The following LYPLAL1 variants were observed in gnomAD, a reference collection of about 807,000 sequenced individuals.
LYPLAL1 encodes the protein lysophospholipase like 1.
A neutral mutation model predicts 19.7 loss-of-function variants in LYPLAL1; 23 were observed. The ratio of observed to expected loss-of-function variants is 1.17; its 90% CI spans 0.84 to 1.65. LYPLAL1 has a LOEUF of 1.65. Ranked by LOEUF, LYPLAL1 falls within the 40% of genes most tolerant of loss-of-function variation. LYPLAL1 has a pLI of 0.00. For synonymous variants in LYPLAL1, 119 were observed against 96.3 expected, an observed-to-expected ratio of 1.24 and a Z score of -1.38; for missense variants, 355 against 279.4, an observed-to-expected ratio of 1.27 and a Z score of -1.93.
At chr1:219,337,980 C>T in the LYPLAL1 span, among the ~76,000 whole-genome samples, 1 of 151,960 alleles carries the variant, frequency 6.6e-6, no homozygotes, top group African/African-American at 2.4e-5. Flanking sequence ...TTGCTGTGGG[C>T]ATTTGTAGTT....
the LYPLAL1 span, among the ~76,000 whole-genome samples, chr1:219,395,869 C>T: frequency 6.6e-5 from 10 of 151,862 alleles, no homozygotes; most frequent in African/African-American, 1.9e-4. Flanking sequence ...TTTGGGAGGC[C>T]GAGGCAGGCG....
At chr1:219,419,432 A>T in the LYPLAL1 span, among the ~76,000 whole-genome samples, 4 of 152,018 alleles carry the variant, frequency 2.6e-5, no homozygotes, top group Admixed American at 1.3e-4. Context: ...TCTGGCCTTG[A>T]TACCTCCTCT....
chr1:219,306,877 T>A, the LYPLAL1 span, among the ~76,000 whole-genome samples: 2 of 106,900 alleles, frequency 1.9e-5, no homozygotes, highest in Non-Finnish European at 4.5e-5. Context: ...GACAGATAGA[T>A]AGAGATAGAA....
At chr1:219,287,513 A>G in the LYPLAL1 span, among the ~76,000 whole-genome samples, 1 of 152,206 alleles carries the variant, frequency 6.6e-6, no homozygotes, top group Non-Finnish European at 1.5e-5. Context: ...CTACACACCT[A>G]TTAGACACTT....
At chr1:219,375,515 A>AG in the LYPLAL1 span, among the ~76,000 whole-genome samples, 1 of 147,932 alleles carries the variant, frequency 6.8e-6, no homozygotes, top group African/African-American at 2.5e-5. Flanking sequence ...AAAAAAAAAA[A>AG]GGAACAAATA....
chr1:219,369,014 T>C, the LYPLAL1 span, among the ~76,000 whole-genome samples: 1 of 152,254 alleles, frequency 6.6e-6, no homozygotes, highest in Non-Finnish European at 1.5e-5. Flanking sequence ...CTCATTTAAC[T>C]TTGAACAGGG....
At chr1:219,287,291 T>C in the LYPLAL1 span, among the ~76,000 whole-genome samples, 2 of 152,208 alleles carry the variant, frequency 1.3e-5, no homozygotes, top group African/African-American at 4.8e-5. Context: ...AGATAACCTG[T>C]CTACAGAAAA....
At chr1:219,185,841 AAAGT>A (rs1558224821) in intron 2 of LYPLAL1, among the ~76,000 whole-genome samples, 1 of 151,948 alleles carries the variant, frequency 6.6e-6, no homozygotes, top group Non-Finnish European at 1.5e-5. Context: ...TCCAAGAGCA[AAAGT>A]GTCTAAAGAG....
intron 3 of LYPLAL1, among the ~76,000 whole-genome samples, chr1:219,201,630 G>A (rs1182453330): frequency 2.6e-5 from 4 of 152,002 alleles, no homozygotes; most frequent in Non-Finnish European, 5.9e-5. Context: ...TGTGAGATGA[G>A]CTAATTAATG....
At chr1:219,241,128 C>CTATATATATATA in the LYPLAL1 span, among the ~76,000 whole-genome samples, 3 of 81,260 alleles carry the variant, frequency 3.7e-5, no homozygotes, top group South Asian at 4.0e-4. Context: ...CTCTCTCTCT[C>CTATATATATATA]TCTCTCTATA....
chr1:219,239,126 A>G, the LYPLAL1 span, among the ~76,000 whole-genome samples: 1 of 152,180 alleles, frequency 6.6e-6, no homozygotes. Flanking sequence ...AGACTATCAG[A>G]TGATAATAGC....
the LYPLAL1 span, among the ~76,000 whole-genome samples, chr1:219,283,226 A>G: frequency 7.2e-5 from 11 of 152,174 alleles, no homozygotes; most frequent in Non-Finnish European, 1.3e-4. Flanking sequence ...GCACGTGACA[A>G]CAGGGCATGT....
At chr1:219,364,268 A>G in the LYPLAL1 span, among the ~76,000 whole-genome samples, 1 of 152,128 alleles carries the variant, frequency 6.6e-6, no homozygotes, top group Non-Finnish European at 1.5e-5. Context: ...TACTGTGTAT[A>G]TGTACATGTG....
intron 3 of LYPLAL1, among the ~76,000 whole-genome samples, chr1:219,209,304 T>C (rs908765010): frequency 1.3e-5 from 2 of 152,128 alleles, no homozygotes; most frequent in African/African-American, 4.8e-5. Flanking sequence ...GGTATTTGTG[T>C]TCTGAGTCCA....
chr1:219,201,225 C>A (rs975584741), intron 3 of LYPLAL1, among the ~76,000 whole-genome samples: 6 of 151,846 alleles, frequency 4.0e-5, no homozygotes, highest in East Asian at 1.9e-4. Flanking sequence ...CTTTTAAAAT[C>A]TTTTATAATT....
At chr1:219,290,750 C>T in the LYPLAL1 span, among the ~76,000 whole-genome samples, 12 of 152,272 alleles carry the variant, frequency 7.9e-5, no homozygotes, top group East Asian at 3.9e-4. Context: ...CTTTCTTGAG[C>T]GACATCCAAG....
chr1:219,256,720 G>A, the LYPLAL1 span, among the ~76,000 whole-genome samples: 14 of 151,842 alleles, frequency 9.2e-5, no homozygotes, highest in African/African-American at 2.7e-4. Flanking sequence ...GTAAGATAAC[G>A]GATTCCTTCT....
the LYPLAL1 span, among the ~76,000 whole-genome samples, chr1:219,436,063 C>T: frequency 6.6e-6 from 1 of 152,196 alleles, no homozygotes; most frequent in Non-Finnish European, 1.5e-5. Context: ...CACAGGAACA[C>T]ACTAGCCCGT....
the LYPLAL1 span, among the ~76,000 whole-genome samples, chr1:219,370,815 G>A: frequency 6.6e-6 from 1 of 152,148 alleles, no homozygotes; most frequent in African/African-American, 2.4e-5. Flanking sequence ...ATCACCCCAA[G>A]AAATTGGGCT....
Sources: allele counts gnomAD v4.1 joint callset (sites outside exome capture counted in the v4.1 genomes callset), GRCh38; gene constraint gnomAD v4.1.1; transcripts MANE v1.5; gene names NCBI Gene and HGNC (gene_info 2026-07-23, HGNC 2026-07-21).